The following CTDSPL2 variants were observed in gnomAD, a reference collection of about 807,000 sequenced individuals.
CTDSPL2 encodes CTD small phosphatase like 2, also known as CTD small phosphatase-like protein 2.
A neutral mutation model predicts 60.0 loss-of-function variants in CTDSPL2; 5 were observed. That is an observed-to-expected ratio of 0.08 (90% CI 0.04 to 0.18). The LOEUF is 0.18. Ranked by LOEUF, CTDSPL2 falls within the 10% of genes least tolerant of loss-of-function variation. The probability of loss-of-function intolerance (pLI) is 1.00; values close to 1 mark genes in which losing one functional copy is unlikely to be tolerated. For synonymous variants in CTDSPL2, 186 were observed against 189.3 expected, an observed-to-expected ratio of 0.98 and a Z score of 0.14; for missense variants, 370 against 548.8, an observed-to-expected ratio of 0.67 and a Z score of 3.26.
In CTDSPL2 at chr15:44,497,332, T is replaced by C. The variant is rs566340512; in HGVS notation, c.882+194T>C. ...TATTCTTATTTTTACATATATATTA[T>C]ACCAATACACTTTTTATTAATAGTC... is the stretch of plus-strand genomic sequence containing the variant. On this transcript the variant is annotated intron_variant, in intron 7 of 12. Transcript: ENST00000260327. Among the ~76,000 whole-genome samples the C allele has an allele frequency of 2.3e-4, 35 of 152,266 alleles. No individual in the cohort carries two copies. The South Asian group carries it at 6.4e-3, about 28-fold the overall frequency.
At position 44,526,319 on chromosome 15, in the gene CTDSPL2, T is replaced by G. The variant is rs987600381; in HGVS notation, c.*2145T>G. 1.3e-5 allele frequency: 2 copies of G among 152,138 alleles called. No individual in the cohort carries two copies. The highest frequency in any genetic ancestry group is 2.9e-5 in the Non-Finnish European group (2 of 67,978). 9.4% of individuals were successfully genotyped at this position (152,138 alleles called of 1,614,324 possible). A position where few individuals can be genotyped will look rare whatever the true frequency, so the allele number is the denominator to read the frequency against. Reference sequence around the variant, plus strand: ...TCTGATTGCTGAAAGATTTCCTGATTTAGTGCATTCTCAAAAGGGCTTTCC... The same window carrying G: ...TCTGATTGCTGAAAGATTTCCTGATGTAGTGCATTCTCAAAAGGGCTTTCC... On this transcript the variant is annotated 3_prime_UTR_variant, in exon 13 of 13. Coordinates refer to ENST00000260327, the MANE Select transcript of CTDSPL2 (RefSeq NM_016396.3).
intron 2 of CTDSPL2, among the ~76,000 whole-genome samples, chr15:44,479,167 G>T (rs2080979107): frequency 6.6e-6 from 1 of 151,866 alleles, no homozygotes; most frequent in Admixed American, 6.6e-5. Flanking sequence ...CAGGAGGATT[G>T]CTTGAACCTG....
chr15:44,498,502 C>T (rs1371757295), intron 7 of CTDSPL2, among the ~76,000 whole-genome samples: 1 of 152,254 alleles, frequency 6.6e-6, no homozygotes, highest in East Asian at 1.9e-4. Flanking sequence ...AGGAGGATCC[C>T]TTGAGGCCAG....
At chr15:44,468,148 C>G (rs1417433327) in intron 2 of CTDSPL2, among the ~76,000 whole-genome samples, 2 of 152,052 alleles carry the variant, frequency 1.3e-5, no homozygotes, top group Non-Finnish European at 2.9e-5. Context: ...TGGCAGAATT[C>G]ACTGTTGAAT....
chr15:44,445,045 C>T (rs1399259834), intron 1 of CTDSPL2, among the ~76,000 whole-genome samples: 2 of 151,092 alleles, frequency 1.3e-5, no homozygotes, highest in African/African-American at 2.4e-5. Flanking sequence ...AGGGTTTCAC[C>T]GTGTTAGCTA....
rs956975478 is a variant in CTDSPL2 at position 44,528,254 on chromosome 15, T to G, written c.*4080T>G. The G allele has an allele frequency of 1.3e-5, 2 of 152,110 alleles. No individual in the cohort carries two copies. Among genetic ancestry groups the G allele is most frequent in the Non-Finnish European group, 2.9e-5 (2 of 68,008 alleles). The allele number at this position is 152,110 out of a possible 1,614,324, so 9.4% of individuals were successfully genotyped here. Reference sequence around the variant, plus strand: ...CGAAACCTGACCATTAGAATTACTCTGAGGAGCTTTTAAAATAGATTCCTG... The same window carrying G: ...CGAAACCTGACCATTAGAATTACTCGGAGGAGCTTTTAAAATAGATTCCTG... On this transcript the variant is annotated 3_prime_UTR_variant, in exon 13 of 13. Transcript: ENST00000260327.
chr15:44,436,460 CTCTT>C lies in CTDSPL2; in HGVS notation c.-25+8690_-25+8693del, dbSNP rs553754444. ...AATGACTCATCTCCCATTTTGACAG[CTCTT>C]TGTTTGTTTATTTTTTAGGTAAAAT... On this transcript the variant is annotated intron_variant, in intron 1 of 12. Coordinates refer to ENST00000260327, the MANE Select transcript of CTDSPL2 (RefSeq NM_016396.3). Among the ~76,000 whole-genome samples, 25 of 152,286 alleles carry C rather than the reference CTCTT, an allele frequency of 1.6e-4. No homozygotes were observed. In the East Asian group the frequency reaches 3.1e-3, roughly 19 times the overall value.
intron 2 of CTDSPL2, among the ~76,000 whole-genome samples, chr15:44,469,627 C>T (rs1288592377): frequency 6.6e-6 from 1 of 152,112 alleles, no homozygotes; most frequent in East Asian, 1.9e-4. Context: ...TTGGTACTTA[C>T]TAGCACATAT....
chr15:44,484,434 T>C (rs768293697), intron 3 of CTDSPL2, 72 bp downstream of exon 3: 15 of 1,442,874 alleles, frequency 1.0e-5, no homozygotes, highest in Non-Finnish European at 1.3e-5. Context: ...TCTTATCTAT[T>C]TTTAAAACTC....
chr15:44,483,685 A>G (rs1194737788), intron 2 of CTDSPL2, among the ~76,000 whole-genome samples: 1 of 152,238 alleles, frequency 6.6e-6, no homozygotes, highest in Non-Finnish European at 1.5e-5. Flanking sequence ...CATATAAGGT[A>G]GCAAATAGAG....
chr15:44,453,037 T>C (rs1400698670), intron 1 of CTDSPL2, among the ~76,000 whole-genome samples: 1 of 152,154 alleles, frequency 6.6e-6, no homozygotes. Flanking sequence ...TGAAGTCAGT[T>C]TATCCAGTTT....
chr15:44,439,866 T>G (rs980297952), intron 1 of CTDSPL2, among the ~76,000 whole-genome samples: 1 of 152,216 alleles, frequency 6.6e-6, no homozygotes, highest in Non-Finnish European at 1.5e-5. Flanking sequence ...AATATTGTAT[T>G]ATGTTTGTTT....
chr15:44,505,565 T>C (rs2081445992), intron 8 of CTDSPL2, among the ~76,000 whole-genome samples: 1 of 151,806 alleles, frequency 6.6e-6, no homozygotes, highest in Non-Finnish European at 1.5e-5. Context: ...TGAAACCCTG[T>C]CTCTACTAAA....
chr15:44,492,226 C>T (rs2140809403), intron 5 of CTDSPL2, among the ~76,000 whole-genome samples: 1 of 152,234 alleles, frequency 6.6e-6, no homozygotes, highest in East Asian at 1.9e-4. Flanking sequence ...GTCCTAATTA[C>T]TCAGGAGGCT....
intron 1 of CTDSPL2, among the ~76,000 whole-genome samples, chr15:44,456,878 GTTTTTTTTTC>G (rs1200876080): frequency 4.0e-4 from 40 of 101,078 alleles, no homozygotes; most frequent in South Asian, 2.5e-3. Flanking sequence ...TTTTTTTTTT[GTTTTTTTTTC>G]TTTTTTTTGA....
At chr15:44,452,110 TGA>T (rs2140669562) in intron 1 of CTDSPL2, among the ~76,000 whole-genome samples, 1 of 152,234 alleles carries the variant, frequency 6.6e-6, no homozygotes, top group South Asian at 2.1e-4. Context: ...AAATAAATTA[TGA>T]GACATTTATA....
intron 2 of CTDSPL2, among the ~76,000 whole-genome samples, chr15:44,469,346 G>A (rs1282320798): frequency 6.6e-6 from 1 of 152,032 alleles, no homozygotes; most frequent in East Asian, 1.9e-4. Flanking sequence ...TTACTTTCTT[G>A]CCCATATGAA....
At chr15:44,454,061 A>G (rs954532092) in intron 1 of CTDSPL2, among the ~76,000 whole-genome samples, 10 of 152,188 alleles carry the variant, frequency 6.6e-5, no homozygotes, top group African/African-American at 2.2e-4. Context: ...AAGTGTTCCT[A>G]TTTCTCCACA....
At chr15:44,436,684 A>G (rs990452546) in intron 1 of CTDSPL2, among the ~76,000 whole-genome samples, 3 of 152,172 alleles carry the variant, frequency 2.0e-5, no homozygotes, top group African/African-American at 7.2e-5. Flanking sequence ...CTACTCTAGA[A>G]CCTTGCATGC....
Sources: gnomAD v4.1 joint callset for allele counts (sites outside exome capture counted in the v4.1 genomes callset) on GRCh38, gnomAD v4.1.1 for gene constraint, MANE v1.5 for transcripts, NCBI Gene and HGNC (gene_info 2026-07-23, HGNC 2026-07-21) for gene names.